CHIC1: variants seen among roughly 807,000 people sequenced by gnomAD.
CHIC1 encodes cysteine-rich hydrophobic domain-containing protein 1.
Under a neutral mutation model 18.5 loss-of-function variants are expected in CHIC1, and 7 were observed. The ratio of observed to expected loss-of-function variants is 0.38; its 90% CI spans 0.22 to 0.71. The LOEUF is 0.71. CHIC1 is among the 30% of genes least tolerant of loss of function. The pLI is 0.49. For synonymous variants in CHIC1, 77 were observed against 73.5 expected (o/e 1.05, Z -0.25); for missense variants, 159 against 176.9 (o/e 0.90, Z 0.57).
chrX:73,644,680 A>G (rs1209692279), intron 3 of CHIC1, among the ~76,000 whole-genome samples: 2 of 112,683 alleles, frequency 1.8e-5, no homozygotes, highest in Non-Finnish European at 3.8e-5. Context: ...AGGACCCTCC[A>G]AGCCAGGTGC....
chrX:73,622,628 A>G (rs2057765422), intron 3 of CHIC1, among the ~76,000 whole-genome samples: 1 of 110,457 alleles, frequency 9.1e-6, no homozygotes, highest in Non-Finnish European at 1.9e-5. Context: ...TAATCTTTTG[A>G]AAAAAACAGC....
At position 73,659,810 on chromosome X, in the gene CHIC1, A is replaced by G. The variant is rs2057970843; in HGVS notation, c.508-19516A>G. Among the ~76,000 whole-genome samples the G allele has an allele frequency of 3.6e-5, 4 of 111,726 alleles. No homozygotes were observed. The South Asian group carries it at 1.5e-3, about 42-fold the overall frequency. ...ATGCCAGGTGTTAAGGGAGGTGCTAAGATGTCCCAGGCACCATAAAGTGTC... is the reference window on the plus strand; with the variant it reads ...ATGCCAGGTGTTAAGGGAGGTGCTAGGATGTCCCAGGCACCATAAAGTGTC... On this transcript the variant is annotated intron_variant, in intron 3 of 5. Transcript: ENST00000373502.
chrX:73,673,978 A>G (rs2058047255), intron 3 of CHIC1, among the ~76,000 whole-genome samples: 3 of 111,943 alleles, frequency 2.7e-5, no homozygotes, highest in African/African-American at 9.8e-5. Flanking sequence ...AATTTTGTCA[A>G]AGGCCTTTTC....
intron 3 of CHIC1, among the ~76,000 whole-genome samples, chrX:73,613,676 C>T (rs1365345481): frequency 8.9e-6 from 1 of 112,035 alleles, no homozygotes; most frequent in Non-Finnish European, 1.9e-5. Context: ...ATTTTTTATT[C>T]ATTCAGCCAG....
At chrX:73,632,197 T>TA (rs1267611701) in intron 3 of CHIC1, among the ~76,000 whole-genome samples, 1 of 112,306 alleles carries the variant, frequency 8.9e-6, no homozygotes, top group African/African-American at 3.2e-5. Context: ...TTGATATATA[T>TA]TCTCTTGATA....
At chrX:73,654,247 G>A (rs1029017637) in intron 3 of CHIC1, among the ~76,000 whole-genome samples, 1 of 111,968 alleles carries the variant, frequency 8.9e-6, no homozygotes, top group Non-Finnish European at 1.9e-5. Context: ...TTACTTTGAA[G>A]GTTGTTGAAT....
intron 3 of CHIC1, among the ~76,000 whole-genome samples, chrX:73,678,114 G>T (rs2058079330): frequency 9.0e-6 from 1 of 110,643 alleles, no homozygotes; most frequent in South Asian, 3.8e-4. Flanking sequence ...TATAATTTTG[G>T]TTGGGTAGGG....
chrX:73,664,637 C>G (rs867216853), intron 3 of CHIC1, among the ~76,000 whole-genome samples: 2 of 111,554 alleles, frequency 1.8e-5, no homozygotes, highest in South Asian at 3.8e-4. Flanking sequence ...AGGCCCTTGT[C>G]GAACATTTAC....
intron 3 of CHIC1, among the ~76,000 whole-genome samples, chrX:73,668,793 C>A (rs1215998631): frequency 8.9e-6 from 1 of 112,347 alleles, no homozygotes; most frequent in African/African-American, 3.2e-5. Context: ...ACTGGAGACC[C>A]GTTTGGTGGT....
chrX:73,668,823 C>T (rs757510895), intron 3 of CHIC1, among the ~76,000 whole-genome samples: 4 of 112,476 alleles, frequency 3.6e-5, no homozygotes, highest in Non-Finnish European at 7.5e-5. Context: ...TCAGGAGGAA[C>T]AAGATCAGGC....
chrX:73,627,648 T>C (rs968415193), intron 3 of CHIC1, among the ~76,000 whole-genome samples: 4 of 111,506 alleles, frequency 3.6e-5, no homozygotes, highest in Non-Finnish European at 3.8e-5. Context: ...CCCCAAGGGC[T>C]CTTAAGTCAG....
rs762302121 is a variant in CHIC1 at position 73,563,470 on chromosome X, GGAGGAA to G, written c.192_197del (p.Glu67_Glu68del). ...AGGAGGAGGAGGAAGAAGAGGAGGA[GGAGGAA>G]GAGGAGGAGGAAGCGCCGCCCCCGC... On this transcript the variant is annotated inframe_deletion, in exon 1 of 6. Coordinates refer to ENST00000373502, the MANE Select transcript of CHIC1 (RefSeq NM_001039840.4). 1.4e-5 allele frequency: 16 copies of G among 1,156,291 alleles called. No homozygotes were observed. Among genetic ancestry groups the G allele is most frequent in the African/African-American group, 1.3e-4 (7 of 55,132 alleles).
chrX:73,593,842 A>T, intron 3 of CHIC1, among the ~76,000 whole-genome samples: 1 of 111,340 alleles, frequency 9.0e-6, no homozygotes, highest in East Asian at 2.9e-4. Context: ...ATTGGACTTC[A>T]ACTTTCTCTT....
intron 1 of CHIC1, among the ~76,000 whole-genome samples, chrX:73,571,165 AT>A (rs1471306117): frequency 9.0e-6 from 1 of 110,641 alleles, no homozygotes; most frequent in Non-Finnish European, 1.9e-5. Context: ...ATCTGTCTGT[AT>A]TGACTATATA....
intron 1 of CHIC1, among the ~76,000 whole-genome samples, chrX:73,567,515 C>T (rs141707204): frequency 1.8e-5 from 2 of 111,064 alleles, no homozygotes; most frequent in Non-Finnish European, 3.8e-5. Context: ...CTCTCTACCA[C>T]CACTTCATTG....
intron 3 of CHIC1, among the ~76,000 whole-genome samples, chrX:73,644,357 C>T (rs2057876302): frequency 8.9e-6 from 1 of 112,304 alleles, no homozygotes; most frequent in Admixed American, 9.4e-5. Flanking sequence ...AGGCAGTCTG[C>T]CCGTTCTCAG....
chrX:73,569,683 A>C (rs1403123827), intron 1 of CHIC1, among the ~76,000 whole-genome samples: 2 of 111,480 alleles, frequency 1.8e-5, no homozygotes, highest in African/African-American at 6.5e-5. Flanking sequence ...CAGCCATTTC[A>C]ACATTTTCCT....
intron 2 of CHIC1, 48 bp from the exon 3 acceptor site, chrX:73,584,369 A>G (rs1396957625): frequency 9.4e-7 from 1 of 1,063,117 alleles, no homozygotes. Flanking sequence ...TTAGAGATAA[A>G]CAGTGAAAAG....
chrX:73,662,455 T>C (rs945181074), intron 3 of CHIC1, among the ~76,000 whole-genome samples: 6 of 101,632 alleles, frequency 5.9e-5, no homozygotes, highest in African/African-American at 1.4e-4. Context: ...GTGGATCTTA[T>C]GCGATCTAGT....
Sources: gnomAD v4.1 joint callset for allele counts (sites outside exome capture counted in the v4.1 genomes callset) on GRCh38, gnomAD v4.1.1 for gene constraint, MANE v1.5 for transcripts, NCBI Gene and HGNC (gene_info 2026-07-23, HGNC 2026-07-21) for gene names.